The following FZD5 variants were observed in gnomAD, a reference collection of about 807,000 sequenced individuals.
FZD5 encodes frizzled-5.
A neutral mutation model predicts 40.8 loss-of-function variants in FZD5; 12 were observed. The ratio of observed to expected loss-of-function variants is 0.29; its 90% CI spans 0.19 to 0.48. The LOEUF (loss-of-function observed/expected upper bound fraction) is 0.48, where lower values mean the gene tolerates loss of function less well. Among genes scored for constraint, FZD5 ranks in the 20% least tolerant of loss-of-function variants. The pLI is 0.99. For missense variants in FZD5, 622 were observed against 832.8 expected (o/e 0.75, Z 3.12); for synonymous variants, 380 against 383.7 (o/e 0.99, Z 0.11).
chr2:207,766,865 C>T lies in FZD5; in HGVS notation c.*117G>A, dbSNP rs953186356. ...ACGCCCCTCTTCCCTCTCTCCAAGTCGCCGCGGGAGGGGGCAACAGCACCA... is the reference window on the plus strand; with the variant it reads ...ACGCCCCTCTTCCCTCTCTCCAAGTTGCCGCGGGAGGGGGCAACAGCACCA... On this transcript the variant is annotated 3_prime_UTR_variant, in exon 2 of 2. Coordinates refer to ENST00000295417, the MANE Select transcript of FZD5 (RefSeq NM_003468.4). 10 of 816,516 alleles carry T rather than the reference C, an allele frequency of 1.2e-5. No homozygotes were observed. The highest frequency in any genetic ancestry group is 1.1e-4 in the African/African-American group (6 of 56,070). The allele number at this position is 816,516 out of a possible 1,614,324, so 50.6% of individuals were successfully genotyped here.
chr2:207,766,953 C>T lies in FZD5; in HGVS notation c.*29G>A, dbSNP rs920567138. 1.4e-6 allele frequency: 2 copies of T among 1,437,894 alleles called. No homozygotes were observed. The highest frequency in any genetic ancestry group is 1.8e-6 in the Non-Finnish European group (2 of 1,096,826). 89.1% of individuals were successfully genotyped at this position (1,437,894 alleles called of 1,614,324 possible). A position where few individuals can be genotyped will look rare whatever the true frequency, so the allele number is the denominator to read the frequency against. Reference sequence around the variant, plus strand: ...ACAAAACGCCCCCCTCCCCTCAGCTCTCCGGCCGAGTCCCTCGGCGGCAGC... The same window carrying T: ...ACAAAACGCCCCCCTCCCCTCAGCTTTCCGGCCGAGTCCCTCGGCGGCAGC... On this transcript the variant is annotated 3_prime_UTR_variant, in exon 2 of 2. Transcript: ENST00000295417.
Position 207,766,890 on chromosome 2 carries a change from A to G in FZD5, c.*92T>C. ...CGCCGCGGGAGGGGGCAACAGCACC[A>G]TGAAGGTAAACGGAAGTGACCTTGG... On this transcript the variant is annotated 3_prime_UTR_variant, in exon 2 of 2. Transcript: ENST00000295417. 1 of 1,050,704 alleles carries G rather than the reference A, an allele frequency of 9.5e-7. No homozygotes were observed. Among genetic ancestry groups the G allele is most frequent in the Non-Finnish European group, 1.3e-6 (1 of 767,532 alleles). The allele number at this position is 1,050,704 out of a possible 1,614,324, so 65.1% of individuals were successfully genotyped here. A position where few individuals can be genotyped will look rare whatever the true frequency, so the allele number is the denominator to read the frequency against.
In FZD5 at chr2:207,767,590, C is replaced by G; in HGVS notation, c.1150G>C (p.Asp384His). The change falls in exon 2 of 2, where the codon GAC (aspartate) becomes CAC (histidine). Residue 384 changes from aspartate (D) to histidine (H), a missense_variant. This residue lies in a region of FZD5 where 208 missense variants were observed against 348.9 expected (regional missense o/e 0.60). Transcript: ENST00000295417. ...ACGTAGCAGATGCCGGCCACTGGGT[C>G]CCCGTCCACGGAGCTCAGCGCCAGT... ...TALALSSVDGDPVAGICYVGN... is the reference protein window; with the variant it reads ...TALALSSVDGHPVAGICYVGN... 1 of 1,612,308 alleles carries G rather than the reference C, an allele frequency of 6.2e-7. No individual in the cohort carries two copies. The highest frequency in any genetic ancestry group is 8.5e-7 in the Non-Finnish European group (1 of 1,179,830).
chr2:207,768,207 G>T lies in FZD5; in HGVS notation c.533C>A (p.Ser178Ter). The T allele has an allele frequency of 6.3e-7, 1 of 1,582,824 alleles. No homozygotes were observed. Among genetic ancestry groups the T allele is most frequent in the East Asian group, 2.3e-5 (1 of 43,376 alleles). Reference protein sequence around the residue: ...TLPGPPGAPASGGECPAGGPF... With the variant: ...TLPGPPGAPA ...GCCCCCAGCGGGGCATTCGCCCCCC[G>T]AGGCCGGCGCCCCTGGCGGGCCTGG... The change falls in exon 2 of 2, where the codon TCG becomes TAG. Residue 178 changes from serine (S) to a stop codon, truncating the protein, a stop_gained. Coordinates refer to ENST00000295417, the MANE Select transcript of FZD5 (RefSeq NM_003468.4). LOFTEE classifies it high-confidence loss of function.
Position 207,766,986 on chromosome 2 carries a change from A to C in FZD5, c.1754T>G (p.Val585Gly), listed in dbSNP as rs764973670. Residue 585 changes from valine to glycine, a missense_variant, in exon 2 of 2, where the codon GTG becomes GGG. By Grantham distance (109) the Val-to-Gly change is moderately radical. Transcript: ENST00000295417. ...GAGTCCCTCGGCGGCAGCCTCCTAC[A>C]CGTGCGACAGGGACACCTGCTTGTG... ...TYHKQVSLSH[V>G] The C allele has an allele frequency of 6.8e-7, 1 of 1,470,462 alleles. No homozygotes were observed. Among genetic ancestry groups the C allele is most frequent in the Non-Finnish European group, 8.9e-7 (1 of 1,118,994 alleles). The allele number at this position is 1,470,462 out of a possible 1,614,324, so 91.1% of individuals were successfully genotyped here. A position where few individuals can be genotyped will look rare whatever the true frequency, so the allele number is the denominator to read the frequency against.
Position 207,766,915 on chromosome 2 carries a change from G to T in FZD5, c.*67C>A. 1 of 1,287,546 alleles carries T rather than the reference G, an allele frequency of 7.8e-7. No individual in the cohort carries two copies. 79.8% of individuals were successfully genotyped at this position (1,287,546 alleles called of 1,614,324 possible). A position where few individuals can be genotyped will look rare whatever the true frequency, so the allele number is the denominator to read the frequency against. ...ATGAAGGTAAACGGAAGTGACCTTGGCAAAACTACCAAACAAAACGCCCCC... is the reference window on the plus strand; with the variant it reads ...ATGAAGGTAAACGGAAGTGACCTTGTCAAAACTACCAAACAAAACGCCCCC... On this transcript the variant is annotated 3_prime_UTR_variant, in exon 2 of 2. Transcript: ENST00000295417.
At position 207,769,266 on chromosome 2, in the gene FZD5, T is replaced by G. The variant is rs1015090261; in HGVS notation, c.-257A>C. 2.6e-5 allele frequency: 4 copies of G among 153,212 alleles called. No homozygotes were observed. The Admixed American group carries it at 2.6e-4, about 10-fold the overall frequency. 9.5% of individuals were successfully genotyped at this position (153,212 alleles called of 1,614,324 possible). ...CAGGGAGAAAGGGAAGGTTCTCACC[T>G]CCACGGATCCCGCCGAGAAGAGCAG... On this transcript the variant is annotated splice_region_variant and 5_prime_UTR_variant, in exon 1 of 2. Coordinates refer to ENST00000295417, the MANE Select transcript of FZD5 (RefSeq NM_003468.4).
Position 207,763,170 on chromosome 2 carries a change from C to G in FZD5, c.*3812G>C, listed in dbSNP as rs984534278. On this transcript the variant is annotated 3_prime_UTR_variant, in exon 2 of 2. Coordinates refer to ENST00000295417, the MANE Select transcript of FZD5 (RefSeq NM_003468.4). ...ACCCGTATCAAAAGTCACCAAATCT[C>G]TCATATATATATATAATATATATTA... The G allele has an allele frequency of 2.6e-5, 4 of 151,962 alleles. No individual in the cohort carries two copies. Among genetic ancestry groups the G allele is most frequent in the Non-Finnish European group, 5.9e-5 (4 of 67,960 alleles). The allele number at this position is 151,962 out of a possible 1,614,324, so 9.4% of individuals were successfully genotyped here. A position where few individuals can be genotyped will look rare whatever the true frequency, so the allele number is the denominator to read the frequency against.
Position 207,767,143 on chromosome 2 carries a change from A to G in FZD5, c.1597T>C (p.Phe533Leu). 6.4e-7 allele frequency: 1 copy of G among 1,568,208 alleles called. No individual in the cohort carries two copies. Among genetic ancestry groups the G allele is most frequent in the South Asian group, 1.2e-5 (1 of 85,972 alleles). Residue 533 changes from phenylalanine to leucine, a missense_variant, in exon 2 of 2, where the codon TTC (phenylalanine) becomes CTC (leucine). By Grantham distance (22) the Phe-to-Leu change is conservative. Transcript: ENST00000295417. ...GGGCGGCAGCAGCAGCGGCTGGTGAAACGCCGCCACGACTCCACCGTCTTG... is the reference window on the plus strand; with the variant it reads ...GGGCGGCAGCAGCAGCGGCTGGTGAGACGCCGCCACGACTCCACCGTCTTG... ...SGKTVESWRR[F>L]TSRCCCRPRR...
In FZD5 at chr2:207,763,239, G is replaced by T. The variant is rs2091963667; in HGVS notation, c.*3743C>A. ...AAAACATACATACTATACATAGTTT[G>T]TAACAACATGAAGTCATACTGTCTT... On this transcript the variant is annotated 3_prime_UTR_variant, in exon 2 of 2. Coordinates refer to ENST00000295417, the MANE Select transcript of FZD5 (RefSeq NM_003468.4). 6.6e-6 allele frequency: 1 copy of T among 152,324 alleles called. No individual in the cohort carries two copies. The highest frequency in any genetic ancestry group is 2.4e-5 in the African/African-American group (1 of 41,320). 9.4% of individuals were successfully genotyped at this position (152,324 alleles called of 1,614,324 possible). A position where few individuals can be genotyped will look rare whatever the true frequency, so the allele number is the denominator to read the frequency against.
chr2:207,763,950 T>C lies in FZD5; in HGVS notation c.*3032A>G, dbSNP rs2091967137. Reference sequence around the variant, plus strand: ...GTCACTGGCAATGGTCATGAGAAAATATGAGAAAGGTTTGCAAGGAAAACC... The same window carrying C: ...GTCACTGGCAATGGTCATGAGAAAACATGAGAAAGGTTTGCAAGGAAAACC... On this transcript the variant is annotated 3_prime_UTR_variant, in exon 2 of 2. Transcript: ENST00000295417. The C allele has an allele frequency of 6.6e-6, 1 of 152,440 alleles. No individual in the cohort carries two copies. The highest frequency in any genetic ancestry group is 1.5e-5 in the Non-Finnish European group (1 of 67,972). The allele number at this position is 152,440 out of a possible 1,614,324, so 9.4% of individuals were successfully genotyped here. A position where few individuals can be genotyped will look rare whatever the true frequency, so the allele number is the denominator to read the frequency against.
rs765383551 is a variant in FZD5 at position 207,768,701 on chromosome 2, C to T, written c.39G>A (p.Leu13=). The change falls in exon 2 of 2, where the codon TTG becomes TTA. Residue 13 remains leucine, a synonymous_variant. Transcript: ENST00000295417. The part of the protein sequence containing the change: ...RPDPSAPPSL[L]LLLLAQLVGR... ...CCACCAGCTGCGCTAGGAGCAGCAG[C>T]AACAGCGAGGGCGGCGCGGATGGGT... 15 of 1,600,354 alleles carry T rather than the reference C, an allele frequency of 9.4e-6. No homozygotes were observed. Among genetic ancestry groups the T allele is most frequent in the African/African-American group, 4.0e-5 (3 of 74,624 alleles).
In FZD5 at chr2:207,763,148, C is replaced by T. The variant is rs1042371707; in HGVS notation, c.*3834G>A. ...GTAATAAATTCACCTGCACCAAACC[C>T]GTATCAAAAGTCACCAAATCTCTCA... On this transcript the variant is annotated 3_prime_UTR_variant, in exon 2 of 2. Transcript: ENST00000295417. 7 of 152,114 alleles carry T rather than the reference C, an allele frequency of 4.6e-5. No individual in the cohort carries two copies. Among genetic ancestry groups the T allele is most frequent in the Admixed American group, 1.3e-4 (2 of 15,194 alleles). The allele number at this position is 152,114 out of a possible 1,614,324, so 9.4% of individuals were successfully genotyped here. A position where few individuals can be genotyped will look rare whatever the true frequency, so the allele number is the denominator to read the frequency against.
rs1299506080 is a variant in FZD5, at chr2:207,769,365, C to A, written c.-356G>T. 2 of 152,580 alleles carry A rather than the reference C, an allele frequency of 1.3e-5. No homozygotes were observed. The highest frequency in any genetic ancestry group is 2.9e-5 in the Non-Finnish European group (2 of 68,272). 9.5% of individuals were successfully genotyped at this position (152,580 alleles called of 1,614,324 possible). ...GAAGCGCGACTCAGAGCCGGGCTGG[C>A]GCCCGGAAAGTTTAGCGACAGGCTG... On this transcript the variant is annotated 5_prime_UTR_variant, in exon 1 of 2. Transcript: ENST00000295417.
chr2:207,767,163 G>A lies in FZD5; in HGVS notation c.1577C>T (p.Thr526Met). ...TSGVWIWSGK[T>M]VESWRRFTSR... ...GGTGAAACGCCGCCACGACTCCACC[G>A]TCTTGCCCGACCAGATCCAGACGCC... Residue 526 changes from threonine (T) to methionine (M), a missense_variant, in exon 2 of 2, where the codon ACG (threonine) becomes ATG (methionine). By Grantham distance (81) the Thr-to-Met change is moderately conservative. Around this residue, in one of 4 missense-constraint regions of FZD5, gnomAD observed 154 missense variants for 152.1 expected, o/e 1.01. Coordinates refer to ENST00000295417, the MANE Select transcript of FZD5 (RefSeq NM_003468.4). 6.3e-7 allele frequency: 1 copy of A among 1,585,096 alleles called. No individual in the cohort carries two copies. Among genetic ancestry groups the A allele is most frequent in the Non-Finnish European group, 8.6e-7 (1 of 1,167,186 alleles).
At position 207,768,170 on chromosome 2, in the gene FZD5, G is replaced by A; in HGVS notation, c.570C>T (p.Cys190=). 6.2e-7 allele frequency: 1 copy of A among 1,605,828 alleles called. No individual in the cohort carries two copies. The highest frequency in any genetic ancestry group is 2.2e-5 in the East Asian group (1 of 44,734). Residue 190 remains cysteine (C), a synonymous_variant, in exon 2 of 2, where the codon TGC becomes TGT. Coordinates refer to ENST00000295417, the MANE Select transcript of FZD5 (RefSeq NM_003468.4). ...GECPAGGPFV[C]KCREPFVPIL... is the part of the protein sequence containing the mutation. ...TGGGCACGAAGGGCTCGCGACACTT[G>A]CACACGAACGGGCCCCCAGCGGGGC...
At chr2:207,769,112 C>T (rs1282037103) in intron 1 of FZD5, 118 bp from the exon 2 acceptor site, 1 of 223,334 alleles carries the variant, frequency 4.5e-6, no homozygotes, top group Non-Finnish European at 9.3e-6. Context: ...TCCTTTCCTC[C>T]CCGCTCCGCC....
At position 207,768,787 on chromosome 2, in the gene FZD5, A is replaced by C. The variant is rs1302754481; in HGVS notation, c.-48T>G. On this transcript the variant is annotated 5_prime_UTR_variant, in exon 2 of 2. Coordinates refer to ENST00000295417, the MANE Select transcript of FZD5 (RefSeq NM_003468.4). Reference sequence around the variant, plus strand: ...CCAGCAGCCCGCGAGGGACGCACACAGGCAGAGGAATCCGGGCCGGGGCTT... The same window carrying C: ...CCAGCAGCCCGCGAGGGACGCACACCGGCAGAGGAATCCGGGCCGGGGCTT... The C allele has an allele frequency of 7.1e-7, 1 of 1,398,800 alleles. No individual in the cohort carries two copies. Among genetic ancestry groups the C allele is most frequent in the Non-Finnish European group, 9.6e-7 (1 of 1,044,780 alleles). 86.6% of individuals were successfully genotyped at this position (1,398,800 alleles called of 1,614,324 possible). A position where few individuals can be genotyped will look rare whatever the true frequency, so the allele number is the denominator to read the frequency against.
Position 207,768,573 on chromosome 2 carries a change from T to C in FZD5, c.167A>G (p.Asn56Ser), listed in dbSNP as rs1267601816. ...YNLTHMPNQF[N>S]HDTQDEAGLE... ...GCCCGCCTCGTCCTGCGTGTCGTGG[T>C]TGAACTGGTTGGGCATGTGCGTCAG... is the stretch of plus-strand genomic sequence containing the variant. Residue 56 changes from asparagine (N) to serine (S), a missense_variant, in exon 2 of 2, where the codon AAC becomes AGC. Physicochemically the swap from Asn to Ser is conservative, Grantham distance 46. Coordinates refer to ENST00000295417, the MANE Select transcript of FZD5 (RefSeq NM_003468.4). 1.9e-6 allele frequency: 3 copies of C among 1,613,954 alleles called. No individual in the cohort carries two copies. Among genetic ancestry groups the C allele is most frequent in the East Asian group, 4.5e-5 (2 of 44,860 alleles).
Sources: allele counts gnomAD v4.1 joint callset, GRCh38; gene constraint gnomAD v4.1.1; regional missense constraint gnomAD v4.1.1; transcripts MANE v1.5; gene names NCBI Gene and HGNC (gene_info 2026-07-23, HGNC 2026-07-21).